Variants in ASIC2 observed in about 807,000 individuals in gnomAD.
The protein encoded by ASIC2 is acid sensing ion channel subunit 2, also known as acid-sensing ion channel 2.
A neutral mutation model predicts 57.3 loss-of-function variants in ASIC2; 25 were observed. The ratio of observed to expected loss-of-function variants is 0.44; its 90% CI spans 0.32 to 0.61. ASIC2 has a LOEUF of 0.61. Ranked by LOEUF, ASIC2 falls within the 20% of genes least tolerant of loss-of-function variation. ASIC2 has a pLI of 0.06. For missense variants in ASIC2, 641 were observed against 738.1 expected (o/e 0.87, Z 1.52); for synonymous variants, 319 against 307.5 (o/e 1.04, Z -0.39).
At chr17:33,106,128 A>C (rs2092233391) in intron 2 of ASIC2, among the ~76,000 whole-genome samples, 1 of 152,184 alleles carries the variant, frequency 6.6e-6, no homozygotes, top group Admixed American at 6.5e-5. Flanking sequence ...TAGCAAATGC[A>C]GATGCCCCAA....
chr17:33,684,303 T>C (rs1271881095), intron 1 of ASIC2, among the ~76,000 whole-genome samples: 1 of 152,088 alleles, frequency 6.6e-6, no homozygotes. Context: ...TAGCACCCAC[T>C]CCCAGCCCGA....
chr17:33,383,632 G>T (rs1268456034), intron 1 of ASIC2, among the ~76,000 whole-genome samples: 1 of 152,202 alleles, frequency 6.6e-6, no homozygotes, highest in African/African-American at 2.4e-5. Flanking sequence ...TAGAGACAGA[G>T]TCAGGTTAGC....
chr17:33,934,721 T>C (rs1916020244), intron 1 of ASIC2, among the ~76,000 whole-genome samples: 1 of 152,220 alleles, frequency 6.6e-6, no homozygotes, highest in African/African-American at 2.4e-5. Context: ...TTCAAAATCA[T>C]CATCTCATGC....
chr17:33,995,596 ATG>A (rs1371453509), intron 1 of ASIC2, among the ~76,000 whole-genome samples: 2 of 152,178 alleles, frequency 1.3e-5, no homozygotes, highest in Non-Finnish European at 2.9e-5. Flanking sequence ...TGATATACAT[ATG>A]TGTGTATGTA....
chr17:33,937,314 C>T (rs1008323108), intron 1 of ASIC2, among the ~76,000 whole-genome samples: 2 of 152,178 alleles, frequency 1.3e-5, no homozygotes, highest in African/African-American at 4.8e-5. Flanking sequence ...GTTGGTCAGG[C>T]TGGTCCCAAA....
At chr17:34,084,794 C>T (rs1162326224) in intron 1 of ASIC2, among the ~76,000 whole-genome samples, 1 of 152,112 alleles carries the variant, frequency 6.6e-6, no homozygotes, top group Non-Finnish European at 1.5e-5. Context: ...ATTTTATTCT[C>T]TTTGAAGCAA....
At chr17:33,766,604 T>C (rs1422590368) in intron 1 of ASIC2, among the ~76,000 whole-genome samples, 3 of 152,240 alleles carry the variant, frequency 2.0e-5, no homozygotes, top group African/African-American at 7.2e-5. Flanking sequence ...TATCTGCATG[T>C]GTAATGTAGC....
chr17:33,113,673 C>G (rs1597584282), intron 1 of ASIC2, among the ~76,000 whole-genome samples: 1 of 152,350 alleles, frequency 6.6e-6, no homozygotes, highest in Middle Eastern at 3.4e-3. Context: ...AGAGGGGCTT[C>G]TACCCTGTGC....
intron 1 of ASIC2, among the ~76,000 whole-genome samples, chr17:33,791,323 G>A (rs1229913102): frequency 6.6e-6 from 1 of 152,182 alleles, no homozygotes; most frequent in Non-Finnish European, 1.5e-5. Flanking sequence ...TGGGAAATAT[G>A]AGCAAATTGA....
chr17:33,136,203 T>C (rs543656338), intron 1 of ASIC2, among the ~76,000 whole-genome samples: 1 of 152,294 alleles, frequency 6.6e-6, no homozygotes, highest in South Asian at 2.1e-4. Context: ...AAAAGTGCAA[T>C]TTGCACATTT....
chr17:33,251,981 T>C (rs953447909), intron 1 of ASIC2, among the ~76,000 whole-genome samples: 1 of 152,182 alleles, frequency 6.6e-6, no homozygotes, highest in African/African-American at 2.4e-5. Context: ...ATGAACCCTG[T>C]GAGGTAAGCA....
At chr17:33,228,611 A>C (rs1231232690) in intron 1 of ASIC2, among the ~76,000 whole-genome samples, 1 of 152,258 alleles carries the variant, frequency 6.6e-6, no homozygotes, top group African/African-American at 2.4e-5. Context: ...TCAGTCTGAA[A>C]ACTTCTAGCA....
At chr17:33,555,464 A>G (rs891497125) in intron 1 of ASIC2, among the ~76,000 whole-genome samples, 3 of 152,250 alleles carry the variant, frequency 2.0e-5, no homozygotes, top group South Asian at 2.1e-4. Context: ...GTTCTTTGAG[A>G]GGCAAGGTAA....
At chr17:33,588,870 T>C (rs980182034) in intron 1 of ASIC2, among the ~76,000 whole-genome samples, 1 of 152,214 alleles carries the variant, frequency 6.6e-6, no homozygotes, top group African/African-American at 2.4e-5. Flanking sequence ...GTTAGTAAAC[T>C]GTGTATCATT....
chr17:33,840,280 G>A (rs915758675), intron 1 of ASIC2, among the ~76,000 whole-genome samples: 13 of 152,166 alleles, frequency 8.5e-5, no homozygotes, highest in African/African-American at 2.9e-4. Context: ...CAAGTGTTAG[G>A]GGAGCCCAGT....
intron 1 of ASIC2, among the ~76,000 whole-genome samples, chr17:34,019,889 C>A (rs1295996815): frequency 6.6e-6 from 1 of 152,168 alleles, no homozygotes; most frequent in Non-Finnish European, 1.5e-5. Flanking sequence ...CTGGGCTCAG[C>A]TGGGACACCT....
intron 1 of ASIC2, among the ~76,000 whole-genome samples, chr17:33,157,343 A>G (rs1905033282): frequency 6.6e-6 from 1 of 152,206 alleles, no homozygotes; most frequent in Admixed American, 6.5e-5. Flanking sequence ...ACCCTGTAGG[A>G]TAGGCACCGT....
intron 1 of ASIC2, among the ~76,000 whole-genome samples, chr17:34,044,419 G>C (rs532661516): frequency 2.6e-5 from 4 of 152,116 alleles, no homozygotes; most frequent in Admixed American, 6.5e-5. Flanking sequence ...CCTTAATCTC[G>C]AGGGCTGCAA....
At chr17:34,082,077 C>T (rs969028363) in intron 1 of ASIC2, 2 of 152,126 alleles carry the variant, frequency 1.3e-5, no homozygotes, top group Non-Finnish European at 2.9e-5. Context: ...ACCTAGGATG[C>T]CCTCATACTT....
Sources: gnomAD v4.1 joint callset for allele counts (sites outside exome capture counted in the v4.1 genomes callset) on GRCh38, gnomAD v4.1.1 for gene constraint, MANE v1.5 for transcripts, NCBI Gene and HGNC (gene_info 2026-07-23, HGNC 2026-07-21) for gene names.